STS: variants seen among roughly 807,000 people sequenced by gnomAD.
The protein encoded by STS is steryl-sulfatase.
Under a neutral mutation model 26.8 loss-of-function variants are expected in STS, and 7 were observed. The ratio of observed to expected loss-of-function variants is 0.26; its 90% CI spans 0.15 to 0.49. The LOEUF (loss-of-function observed/expected upper bound fraction) is 0.49, where lower values mean the gene tolerates loss of function less well. STS is among the 20% of genes least tolerant of loss of function. The pLI is 0.98. For synonymous variants in STS, 199 were observed against 189.4 expected, an observed-to-expected ratio of 1.05 and a Z score of -0.42; for missense variants, 434 against 465.6, an observed-to-expected ratio of 0.93 and a Z score of 0.63.
intron 5 of STS, 125 bp downstream of exon 5, chrX:7,257,713 A>T: frequency 2.2e-6 from 2 of 928,920 alleles, no homozygotes; most frequent in Non-Finnish European, 3.1e-6. Flanking sequence ...CTTTGCTGGT[A>T]CACTTTGCAT....
At position 7,261,547 on chromosome X, in the gene STS, A is replaced by G. The variant is rs530884779; in HGVS notation, c.806+1775A>G. Among the ~76,000 whole-genome samples the G allele has an allele frequency of 9.0e-5, 10 of 111,651 alleles. No homozygotes were observed. The South Asian group carries it at 3.8e-3, about 42-fold the overall frequency. The stretch of plus-strand genomic sequence containing the variant: ...GAAAATTATGTTGTCATTTCCTCAC[A>G]TGGAAGATGTTGTGTTCCTCTGTCC... On this transcript the variant is annotated intron_variant, in intron 6 of 10. Transcript: ENST00000674429.
intron 2 of STS, among the ~76,000 whole-genome samples, chrX:7,205,494 A>G (rs1259489885): frequency 8.9e-6 from 1 of 111,935 alleles, no homozygotes; most frequent in Non-Finnish European, 1.9e-5. Context: ...GTGGGCACTC[A>G]GTGTATTCAC....
chrX:7,252,177 A>C, intron 2 of STS: 1 of 388,963 alleles, frequency 2.6e-6, no homozygotes, highest in Non-Finnish European at 3.3e-6. Flanking sequence ...AGAAACAGAA[A>C]GAGAAAGTAG....
At chrX:7,256,050 T>C (rs1381498471) in intron 3 of STS, among the ~76,000 whole-genome samples, 3 of 111,534 alleles carry the variant, frequency 2.7e-5, no homozygotes, top group Non-Finnish European at 5.7e-5. Flanking sequence ...GTTCCAAATA[T>C]AGGTCAATCC....
chrX:7,331,448 C>T (rs1247940470), intron 9 of STS, among the ~76,000 whole-genome samples: 1 of 110,722 alleles, frequency 9.0e-6, no homozygotes, highest in Non-Finnish European at 1.9e-5. Context: ...AAAACACATT[C>T]AGTTTTTTTT....
In STS at chrX:7,297,864, A is replaced by T. The variant is rs775535764; in HGVS notation, c.944-7182A>T. 6.3e-4 allele frequency among the ~76,000 whole-genome samples: 70 copies of T among 111,680 alleles called. 1 individual carries two copies. Among genetic ancestry groups the T allele is most frequent in the Non-Finnish European group, 4.3e-4 (23 of 53,097 alleles). ...AGGAGCCACTCTTCTCTTGTTATTC[A>T]GGAAGTAGATACAGTATGTGCTGGA... On this transcript the variant is annotated intron_variant, in intron 7 of 10. Coordinates refer to ENST00000674429, the MANE Select transcript of STS (RefSeq NM_001320752.2).
chrX:7,319,688 G>A (rs1266355121), intron 8 of STS, among the ~76,000 whole-genome samples: 1 of 108,587 alleles, frequency 9.2e-6, no homozygotes. Flanking sequence ...TTCTACATAG[G>A]GTGTAGAAAC....
At chrX:7,151,594 A>C (rs1289570667) in intron 1 of STS, among the ~76,000 whole-genome samples, 1 of 112,253 alleles carries the variant, frequency 8.9e-6, no homozygotes, top group African/African-American at 3.2e-5. Context: ...CCTGACATAG[A>C]TGGCTGAATT....
intron 7 of STS, among the ~76,000 whole-genome samples, chrX:7,280,302 G>C (rs994612002): frequency 1.8e-5 from 2 of 111,667 alleles, no homozygotes; most frequent in Admixed American, 1.9e-4. Context: ...CAGAAAGTGA[G>C]GAATGTCATG....
intron 9 of STS, among the ~76,000 whole-genome samples, chrX:7,329,895 ATTGTTG>A (rs753872705): frequency 1.8e-5 from 2 of 111,473 alleles, no homozygotes; most frequent in Non-Finnish European, 3.8e-5. Context: ...CACAGGAAAG[ATTGTTG>A]TTGTTGTTGT....
chrX:7,244,937 ACT>A (rs1922795080), intron 2 of STS, among the ~76,000 whole-genome samples: 1 of 112,182 alleles, frequency 8.9e-6, no homozygotes, highest in African/African-American at 3.2e-5. Flanking sequence ...CTTGGTACAT[ACT>A]AAGCACCCAA....
chrX:7,347,555 A>G (rs760512882), intron 10 of STS, among the ~76,000 whole-genome samples: 25 of 111,406 alleles, frequency 2.2e-4, no homozygotes, highest in Middle Eastern at 4.6e-3. Flanking sequence ...CCTGAGGAGG[A>G]TTGTGCTCTA....
At chrX:7,293,582 AT>A (rs1233347879) in intron 7 of STS, among the ~76,000 whole-genome samples, 112 of 110,143 alleles carry the variant, frequency 1.0e-3, no homozygotes, top group African/African-American at 3.0e-3. Flanking sequence ...CGAAAATGGC[AT>A]TTTTTTTTCT....
chrX:7,334,249 C>A, intron 10 of STS, 142 bp downstream of exon 10: 1 of 854,051 alleles, frequency 1.2e-6, no homozygotes, highest in Non-Finnish European at 1.7e-6. Context: ...TTGCTTTGTC[C>A]TCTTTTCCCT....
chrX:7,257,114 G>T (rs1312001258), intron 3 of STS, 128 bp from the exon 4 acceptor site: 1 of 937,888 alleles, frequency 1.1e-6, no homozygotes, highest in Non-Finnish European at 1.5e-6. Flanking sequence ...TTAGCCAGGC[G>T]TGGTAGTGTG....
At chrX:7,249,352 G>C (rs1298308071) in intron 2 of STS, among the ~76,000 whole-genome samples, 2 of 111,707 alleles carry the variant, frequency 1.8e-5, no homozygotes, top group African/African-American at 6.5e-5. Flanking sequence ...GGAGCAACCA[G>C]TGCAGGAGCC....
intron 1 of STS, among the ~76,000 whole-genome samples, chrX:7,164,232 A>T (rs774552383): frequency 4.5e-5 from 5 of 111,857 alleles, no homozygotes; most frequent in African/African-American, 1.6e-4. Flanking sequence ...AACCCAAAAC[A>T]TTCTGCATTC....
intron 7 of STS, among the ~76,000 whole-genome samples, chrX:7,279,848 A>G (rs1369105118): frequency 9.0e-6 from 1 of 110,982 alleles, no homozygotes; most frequent in Non-Finnish European, 1.9e-5. Context: ...GAGTCCCAGC[A>G]TCTTACCTCA....
intron 1 of STS, among the ~76,000 whole-genome samples, chrX:7,150,047 A>G (rs1291755293): frequency 3.6e-5 from 4 of 111,599 alleles, no homozygotes; most frequent in Non-Finnish European, 7.5e-5. Context: ...TGTGGTACCT[A>G]CAGTAAGTAT....
Sources: gnomAD v4.1 joint callset for allele counts (sites outside exome capture counted in the v4.1 genomes callset) on GRCh38, gnomAD v4.1.1 for gene constraint, MANE v1.5 for transcripts, NCBI Gene and HGNC (gene_info 2026-07-23, HGNC 2026-07-21) for gene names.